The following AUTS2 variants were observed in gnomAD, a reference collection of about 807,000 sequenced individuals.
AUTS2 encodes the protein autism susceptibility gene 2 protein.
AUTS2 carries 17 observed loss-of-function variants against 112.4 expected under a neutral mutation model. The observed-to-expected ratio is 0.15, with a 90% confidence interval of 0.10 to 0.23. AUTS2 has a LOEUF of 0.23. Ranked by LOEUF, AUTS2 falls within the 10% of genes least tolerant of loss-of-function variation. The pLI is 1.00. For missense variants in AUTS2, 1,510 were observed against 1,701.6 expected (o/e 0.89, Z 1.98); for synonymous variants, 751 against 702.7 (o/e 1.07, Z -1.09).
intron 2 of AUTS2, among the ~76,000 whole-genome samples, chr7:70,100,108 G>T (rs28433534): frequency 0.08 from 12,214 of 152,186 alleles, 627 homozygotes; most frequent in African/African-American, 0.13. Context: ...AGTAACTCTT[G>T]TTGTGGTCGC....
chr7:69,659,583 G>GTTTTTT lies in AUTS2; in HGVS notation c.309+59637_309+59642dup, dbSNP rs58289887. Among the ~76,000 whole-genome samples, 299 of 81,170 alleles carry GTTTTTT rather than the reference G, an allele frequency of 3.7e-3. 7 individuals are homozygous for GTTTTTT. Among genetic ancestry groups the GTTTTTT allele is most frequent in the East Asian group, 0.015 (34 of 2,290 alleles). 53.3% of individuals were successfully genotyped at this position (81,170 alleles called of 152,430 possible). A position where few individuals can be genotyped will look rare whatever the true frequency, so the allele number is the denominator to read the frequency against. ...TGGATGGGAAAGCTGAGGCTTAGTT[G>GTTTTTT]TTTTTTTTTTTTTTTTTTTTTGAGA... On this transcript the variant is annotated intron_variant, in intron 1 of 18. Transcript: ENST00000342771.
intron 1 of AUTS2, among the ~76,000 whole-genome samples, chr7:69,625,725 G>T (rs1454054146): frequency 6.6e-6 from 1 of 152,072 alleles, no homozygotes; most frequent in Non-Finnish European, 1.5e-5. Flanking sequence ...GGATGTGGTG[G>T]CTTACAATGG....
intron 1 of AUTS2, among the ~76,000 whole-genome samples, chr7:69,732,214 A>C (rs986565420): frequency 1.3e-5 from 2 of 152,148 alleles, no homozygotes; most frequent in Admixed American, 1.3e-4. Context: ...TAAAGTACTT[A>C]CTGCTGCTGT....
intron 1 of AUTS2, among the ~76,000 whole-genome samples, chr7:69,870,448 A>AT (rs1554395050): frequency 7.6e-5 from 6 of 78,964 alleles, no homozygotes; most frequent in East Asian, 4.1e-4. Flanking sequence ...ATGTGTGTGT[A>AT]ATATATATAT....
intron 1 of AUTS2, among the ~76,000 whole-genome samples, chr7:69,693,050 G>A (rs942240129): frequency 8.5e-5 from 13 of 152,208 alleles, no homozygotes; most frequent in African/African-American, 3.1e-4. Flanking sequence ...GGAAACTGTG[G>A]CACCTTGAAC....
chr7:70,520,410 C>T (rs772763585), intron 5 of AUTS2, among the ~76,000 whole-genome samples: 4 of 152,126 alleles, frequency 2.6e-5, no homozygotes, highest in Non-Finnish European at 5.9e-5. Flanking sequence ...TCCTGGAAAA[C>T]GCTAAATATG....
At chr7:70,514,167 C>A (rs940040591) in intron 5 of AUTS2, among the ~76,000 whole-genome samples, 1 of 152,152 alleles carries the variant, frequency 6.6e-6, no homozygotes, top group Non-Finnish European at 1.5e-5. Flanking sequence ...TGTGAATAAA[C>A]CATACTTTAT....
chr7:69,785,273 T>C (rs891878279), intron 1 of AUTS2, among the ~76,000 whole-genome samples: 1 of 152,248 alleles, frequency 6.6e-6, no homozygotes, highest in Non-Finnish European at 1.5e-5. Flanking sequence ...TCTCTTTGTT[T>C]CTCTGGATAT....
At position 70,506,652 on chromosome 7, in the gene AUTS2, A is replaced by C. The variant is rs549931078; in HGVS notation, c.690+70871A>C. On this transcript the variant is annotated intron_variant, in intron 5 of 18. Transcript: ENST00000342771. ...CGCGCCCAGCGTAAAGGTCAACTGC[A>C]GATACACCATCTATCTCTGGAGAGG... Among the ~76,000 whole-genome samples the C allele has an allele frequency of 2.0e-5, 3 of 152,216 alleles. No individual in the cohort carries two copies. In the South Asian group the frequency reaches 6.2e-4, roughly 31 times the overall value.
chr7:69,719,712 TTAAAG>T (rs1331535697), intron 1 of AUTS2, among the ~76,000 whole-genome samples: 1 of 152,240 alleles, frequency 6.6e-6, no homozygotes, highest in Non-Finnish European at 1.5e-5. Context: ...AATGTTTTGC[TTAAAG>T]TATTCTTGTC....
chr7:69,884,203 T>G (rs1794176854), intron 1 of AUTS2, among the ~76,000 whole-genome samples: 2 of 152,230 alleles, frequency 1.3e-5, no homozygotes, highest in African/African-American at 4.8e-5. Flanking sequence ...ACTTAGTAAC[T>G]CAAAACTCTG....
chr7:70,003,692 A>G (rs1236166960), intron 2 of AUTS2, among the ~76,000 whole-genome samples: 20 of 66,846 alleles, frequency 3.0e-4, no homozygotes, highest in Non-Finnish European at 4.3e-4. Flanking sequence ...TTATATATGA[A>G]TATATATAAT....
At chr7:70,605,155 C>T (rs906388553) in intron 5 of AUTS2, among the ~76,000 whole-genome samples, 9 of 152,176 alleles carry the variant, frequency 5.9e-5, no homozygotes, top group Non-Finnish European at 7.3e-5. Context: ...TTCCATTTTT[C>T]ACTAAGGCTA....
intron 1 of AUTS2, among the ~76,000 whole-genome samples, chr7:69,737,680 C>T (rs1306195870): frequency 2.0e-5 from 3 of 152,050 alleles, no homozygotes; most frequent in Non-Finnish European, 4.4e-5. Context: ...AAAGACAGCC[C>T]CTTATACAGT....
intron 2 of AUTS2, among the ~76,000 whole-genome samples, chr7:69,920,263 C>A (rs1031827412): frequency 2.0e-5 from 3 of 151,974 alleles, no homozygotes; most frequent in Non-Finnish European, 4.4e-5. Context: ...TAGCTCTCCT[C>A]TCCTCTCCTC....
At chr7:70,106,535 C>T (rs73160166) in intron 2 of AUTS2, among the ~76,000 whole-genome samples, 3,553 of 152,172 alleles carry the variant, frequency 0.023, 89 homozygotes, top group South Asian at 0.063. Flanking sequence ...GCCTTGGTAA[C>T]GTGGCAAAAT....
chr7:69,951,189 G>T (rs764875914), intron 2 of AUTS2, among the ~76,000 whole-genome samples: 1 of 152,014 alleles, frequency 6.6e-6, no homozygotes, highest in Admixed American at 6.6e-5. Flanking sequence ...TTTATAATTT[G>T]TCAACAGAAC....
chr7:70,307,891 TA>T (rs773289906), intron 4 of AUTS2, among the ~76,000 whole-genome samples: 12 of 152,188 alleles, frequency 7.9e-5, no homozygotes, highest in Non-Finnish European at 1.6e-4. Context: ...CCTTTGAGCA[TA>T]ACCACATCCG....
At chr7:69,809,548 C>G (rs1405180357) in intron 1 of AUTS2, among the ~76,000 whole-genome samples, 1 of 152,134 alleles carries the variant, frequency 6.6e-6, no homozygotes, top group East Asian at 1.9e-4. Context: ...CCTTCCCACC[C>G]CAATCAAAAG....
Sources: allele counts gnomAD v4.1 joint callset (sites outside exome capture counted in the v4.1 genomes callset), GRCh38; gene constraint gnomAD v4.1.1; transcripts MANE v1.5; gene names NCBI Gene and HGNC (gene_info 2026-07-23, HGNC 2026-07-21).